CADPS2: variants seen among roughly 807,000 people sequenced by gnomAD.
CADPS2 encodes the protein calcium-dependent secretion activator 2.
In CADPS2, 93 loss-of-function variants were observed where a neutral mutation model predicts 172.5. The ratio of observed to expected loss-of-function variants is 0.54; its 90% CI spans 0.46 to 0.64. The LOEUF is 0.64. Among genes scored for constraint, CADPS2 ranks in the 30% least tolerant of loss-of-function variants. CADPS2 has a pLI of 0.00. For missense variants in CADPS2, 1,420 were observed against 1,565.9 expected, an observed-to-expected ratio of 0.91 and a Z score of 1.57; for synonymous variants, 546 against 555.2, an observed-to-expected ratio of 0.98 and a Z score of 0.23.
intron 1 of CADPS2, among the ~76,000 whole-genome samples, chr7:122,764,087 T>G (rs554300635): frequency 6.6e-6 from 1 of 152,266 alleles, no homozygotes; most frequent in Admixed American, 6.5e-5. Flanking sequence ...TCCCTCTGCC[T>G]GGTTTGCCTT....
chr7:122,801,354 T>A (rs181737898), intron 1 of CADPS2, among the ~76,000 whole-genome samples: 51 of 152,294 alleles, frequency 3.3e-4, no homozygotes, highest in Admixed American at 1.4e-3. Context: ...AAAAAACTCC[T>A]AAAGAAATCT....
intron 8 of CADPS2, among the ~76,000 whole-genome samples, chr7:122,544,589 G>A (rs2063435770): frequency 6.6e-6 from 1 of 152,168 alleles, no homozygotes; most frequent in East Asian, 1.9e-4. Flanking sequence ...TCATATGCCT[G>A]AAACCCAGGT....
At chr7:122,551,437 G>C (rs6971737) in intron 8 of CADPS2, among the ~76,000 whole-genome samples, 92,159 of 151,748 alleles carry the variant, frequency 0.61, 28,460 homozygotes, top group African/African-American at 0.73. Flanking sequence ...AGAACACACA[G>C]AAAAATATAA....
intron 9 of CADPS2, among the ~76,000 whole-genome samples, chr7:122,507,989 G>T (rs2059731800): frequency 6.6e-6 from 1 of 151,994 alleles, no homozygotes; most frequent in Non-Finnish European, 1.5e-5. Flanking sequence ...AAATTAAAAG[G>T]GGAATATTCA....
intron 2 of CADPS2, among the ~76,000 whole-genome samples, chr7:122,704,894 TA>T (rs1174659079): frequency 1.3e-5 from 2 of 151,996 alleles, no homozygotes; most frequent in Non-Finnish European, 2.9e-5. Context: ...GCGTTGCCAC[TA>T]AAACATCTGA....
rs575282629 is a variant in CADPS2, at chr7:122,374,324, C to G, written c.3387+5044G>C. Among the ~76,000 whole-genome samples, 6 of 152,052 alleles carry G rather than the reference C, an allele frequency of 3.9e-5. No homozygotes were observed. The South Asian group carries it at 1.2e-3, about 32-fold the overall frequency. ...AGTGGTGAAAAAATAACTTTTTTCT[C>G]TAAGATACAGCATGAGACAAGGATG... is the stretch of plus-strand genomic sequence containing the variant. On this transcript the variant is annotated intron_variant, in intron 25 of 29. Transcript: ENST00000449022.
chr7:122,419,003 C>CA (rs2151789510), intron 17 of CADPS2, among the ~76,000 whole-genome samples: 1 of 152,238 alleles, frequency 6.6e-6, no homozygotes, highest in Admixed American at 6.5e-5. Flanking sequence ...TGGACCTTCT[C>CA]AGAGTTCTGG....
intron 1 of CADPS2, among the ~76,000 whole-genome samples, chr7:122,752,429 T>C (rs1312663833): frequency 6.6e-6 from 1 of 152,100 alleles, no homozygotes; most frequent in Non-Finnish European, 1.5e-5. Context: ...AATTTGGCAA[T>C]AAGGTAGAAA....
chr7:122,640,858 C>T (rs191928829), intron 3 of CADPS2, among the ~76,000 whole-genome samples: 63 of 151,282 alleles, frequency 4.2e-4, no homozygotes, highest in African/African-American at 1.1e-3. Flanking sequence ...GGCGTGAACC[C>T]GGGAGGTGGA....
chr7:122,875,891 G>A (rs183103970), intron 1 of CADPS2, among the ~76,000 whole-genome samples: 120 of 152,210 alleles, frequency 7.9e-4, no homozygotes, highest in African/African-American at 2.7e-3. Flanking sequence ...ACTCTCTCAC[G>A]TCTCTCTCCC....
At chr7:122,671,544 G>C (rs1348680341) in intron 2 of CADPS2, among the ~76,000 whole-genome samples, 1 of 151,974 alleles carries the variant, frequency 6.6e-6, no homozygotes, top group African/African-American at 2.4e-5. Flanking sequence ...CAGCCTGGGT[G>C]ACAGAGTAAG....
At chr7:122,631,149 G>A (rs1016211886) in intron 3 of CADPS2, among the ~76,000 whole-genome samples, 6 of 152,020 alleles carry the variant, frequency 3.9e-5, no homozygotes, top group Admixed American at 2.6e-4. Flanking sequence ...TACTTCAAAT[G>A]CACTAAATGT....
intron 1 of CADPS2, among the ~76,000 whole-genome samples, chr7:122,859,352 A>G (rs1298112809): frequency 6.6e-6 from 1 of 152,310 alleles, no homozygotes; most frequent in East Asian, 1.9e-4. Context: ...TGTATATAAT[A>G]CCTGGTTATG....
At chr7:122,555,030 A>T (rs1012766906) in intron 7 of CADPS2, among the ~76,000 whole-genome samples, 2 of 152,136 alleles carry the variant, frequency 1.3e-5, no homozygotes, top group Non-Finnish European at 2.9e-5. Flanking sequence ...CTCAGGGCAA[A>T]GCCGTTCAGA....
chr7:122,398,738 T>TTCTCTCTCTCTCTC (rs375630670), intron 20 of CADPS2, among the ~76,000 whole-genome samples: 1 of 131,470 alleles, frequency 7.6e-6, no homozygotes, highest in South Asian at 2.7e-4. Flanking sequence ...GAAAACACTC[T>TTCTCTCTCTCTCTC]TCTCTCTCTC....
At chr7:122,590,628 G>A (rs1250068177) in intron 6 of CADPS2, among the ~76,000 whole-genome samples, 1 of 151,764 alleles carries the variant, frequency 6.6e-6, no homozygotes, top group African/African-American at 2.4e-5. Flanking sequence ...TAAAAGATCA[G>A]AGACAGATTT....
rs186118441 is a variant in CADPS2 at position 122,836,482 on chromosome 7, G to A, written c.339+49517C>T. ...ATCCTCCAATTAAATGACACAGACTGGCAAATTGGATTAAGAGTCAAGACC... is the reference window on the plus strand; with the variant it reads ...ATCCTCCAATTAAATGACACAGACTAGCAAATTGGATTAAGAGTCAAGACC... On this transcript the variant is annotated intron_variant, in intron 1 of 29. Transcript: ENST00000449022. 4.9e-3 allele frequency among the ~76,000 whole-genome samples: 745 copies of A among 152,218 alleles called. 17 individuals carry two copies. Among genetic ancestry groups the A allele is most frequent in the Middle Eastern group, 0.014 (4 of 294 alleles).
chr7:122,783,201 A>AC, intron 1 of CADPS2, among the ~76,000 whole-genome samples: 1 of 151,920 alleles, frequency 6.6e-6, no homozygotes, highest in African/African-American at 2.4e-5. Flanking sequence ...TCAAAAAAAA[A>AC]AAAAAACAAA....
chr7:122,370,427 T>C (rs1223897802), intron 25 of CADPS2, among the ~76,000 whole-genome samples: 25 of 152,186 alleles, frequency 1.6e-4, no homozygotes, highest in Non-Finnish European at 1.5e-5. Flanking sequence ...AGAGTCACAG[T>C]ATATAATTTT....
Sources: gnomAD v4.1 joint callset for allele counts (sites outside exome capture counted in the v4.1 genomes callset) on GRCh38, gnomAD v4.1.1 for gene constraint, MANE v1.5 for transcripts, NCBI Gene and HGNC (gene_info 2026-07-23, HGNC 2026-07-21) for gene names.